The following THSD4 variants were observed in gnomAD, a reference collection of about 807,000 sequenced individuals.
THSD4 encodes thrombospondin type 1 domain containing 4.
In THSD4, 69 loss-of-function variants were observed where a neutral mutation model predicts 119.0. The ratio of observed to expected loss-of-function variants is 0.58; its 90% CI spans 0.48 to 0.71. THSD4 has a LOEUF of 0.71. THSD4 is among the 30% of genes least tolerant of loss of function. The probability of loss-of-function intolerance (pLI) is 0.00; values close to 1 mark genes in which losing one functional copy is unlikely to be tolerated. For synonymous variants in THSD4, 524 were observed against 540.4 expected, an observed-to-expected ratio of 0.97 and a Z score of 0.42; for missense variants, 1,393 against 1,391.1, an observed-to-expected ratio of 1.00 and a Z score of -0.02.
chr15:71,745,145 C>T lies in THSD4; in HGVS notation c.1946C>T (p.Thr649Ile). The change falls in exon 12 of 18, where the codon ACT becomes ATT. Residue 649 changes from threonine (T) to isoleucine (I), a missense_variant. Transcript: ENST00000261862. ...ATTTTCCGCTGTGTGCACAGAAGCA[C>T]TCATGAAGAGGCTCCTGAGAGTTAC... ...YPIFRCVHRS[T>I]HEEAPESYCD... The T allele has an allele frequency of 6.2e-7, 1 of 1,612,542 alleles. No homozygotes were observed. The highest frequency in any genetic ancestry group is 8.5e-7 in the Non-Finnish European group (1 of 1,179,990).
At chr15:71,109,425 C>T (rs531504212) in intron 1 of THSD4, among the ~76,000 whole-genome samples, 5 of 152,298 alleles carry the variant, frequency 3.3e-5, no homozygotes, top group Admixed American at 2.0e-4. Context: ...GGATCCAAAA[C>T]GAGCCACATA....
intron 7 of THSD4, among the ~76,000 whole-genome samples, chr15:71,496,932 A>G (rs952861181): frequency 6.6e-6 from 1 of 152,184 alleles, no homozygotes; most frequent in Non-Finnish European, 1.5e-5. Flanking sequence ...CATTTGCTGG[A>G]AGCTTTGGGC....
chr15:71,649,337 G>C (rs1298332706), intron 7 of THSD4, among the ~76,000 whole-genome samples: 1 of 152,104 alleles, frequency 6.6e-6, no homozygotes, highest in Non-Finnish European at 1.5e-5. Flanking sequence ...GCAGTGGTGT[G>C]ATCTCAACTC....
intron 6 of THSD4, among the ~76,000 whole-genome samples, chr15:71,374,277 A>G (rs1039742744): frequency 6.6e-6 from 1 of 152,192 alleles, no homozygotes; most frequent in Non-Finnish European, 1.5e-5. Flanking sequence ...CAAATGTACC[A>G]TGAAGTCGAT....
At chr15:71,263,840 C>A (rs2044432460) in intron 6 of THSD4, among the ~76,000 whole-genome samples, 2 of 152,244 alleles carry the variant, frequency 1.3e-5, no homozygotes, top group Non-Finnish European at 2.9e-5. Context: ...AATGGAATAT[C>A]TGTGGCTGGC....
intron 8 of THSD4, among the ~76,000 whole-genome samples, chr15:71,665,743 T>C (rs957798773): frequency 6.6e-6 from 1 of 152,218 alleles, no homozygotes; most frequent in Non-Finnish European, 1.5e-5. Context: ...GGACCACTTA[T>C]TGAATAGGGA....
chr15:71,405,072 AGAGAT>A (rs2140491095), intron 6 of THSD4, among the ~76,000 whole-genome samples: 1 of 152,194 alleles, frequency 6.6e-6, no homozygotes, highest in East Asian at 1.9e-4. Flanking sequence ...TATTTTTAGT[AGAGAT>A]GAGGTTTCAC....
At chr15:71,435,024 A>G (rs999168403) in intron 7 of THSD4, among the ~76,000 whole-genome samples, 1 of 152,228 alleles carries the variant, frequency 6.6e-6, no homozygotes, top group South Asian at 2.1e-4. Context: ...GAAAAAAGAA[A>G]CTTAAAGATG....
At chr15:71,764,989 G>A (rs750017589) in intron 15 of THSD4, 31 bp from the exon 16 acceptor site, 9 of 1,599,298 alleles carry the variant, frequency 5.6e-6, no homozygotes, top group Non-Finnish European at 7.7e-6. Context: ...TCCATCATGT[G>A]ACACTCATCT....
At chr15:71,230,089 C>G (rs770970384) in intron 4 of THSD4, among the ~76,000 whole-genome samples, 1 of 152,126 alleles carries the variant, frequency 6.6e-6, no homozygotes, top group African/African-American at 2.4e-5. Context: ...TTCAACCTGC[C>G]GGGGGTCAGC....
At chr15:71,459,562 C>T (rs970958856) in intron 7 of THSD4, among the ~76,000 whole-genome samples, 1 of 152,092 alleles carries the variant, frequency 6.6e-6, no homozygotes. Context: ...GTATCTCTTG[C>T]ATAAAGTAGA....
At chr15:71,528,882 C>T (rs1043725188) in intron 7 of THSD4, among the ~76,000 whole-genome samples, 2 of 152,232 alleles carry the variant, frequency 1.3e-5, no homozygotes, top group Non-Finnish European at 2.9e-5. Context: ...TACTAATACA[C>T]ATCACACTTT....
At chr15:71,229,930 CAT>C (rs2044047062) in intron 4 of THSD4, among the ~76,000 whole-genome samples, 1 of 152,152 alleles carries the variant, frequency 6.6e-6, no homozygotes, top group Non-Finnish European at 1.5e-5. Context: ...GTGGGAGAAA[CAT>C]CCAGCATATG....
chr15:71,728,494 G>C, intron 8 of THSD4, 55 bp from the exon 9 acceptor site: 1 of 1,593,088 alleles, frequency 6.3e-7, no homozygotes, highest in Non-Finnish European at 8.6e-7. Context: ...AGTCAGTTCT[G>C]TTTCTTGTGC....
chr15:71,466,866 G>T (rs1291283375), intron 7 of THSD4, among the ~76,000 whole-genome samples: 1 of 152,160 alleles, frequency 6.6e-6, no homozygotes, highest in Non-Finnish European at 1.5e-5. Context: ...ACTGGACTGG[G>T]CCTGAGCCCT....
chr15:71,673,274 A>G (rs373256061), intron 8 of THSD4, among the ~76,000 whole-genome samples: 2 of 152,156 alleles, frequency 1.3e-5, no homozygotes, highest in African/African-American at 4.8e-5. Context: ...GTTTATTTGC[A>G]TAGAGGTGTT....
chr15:71,663,244 A>G (rs2051347675), intron 8 of THSD4, among the ~76,000 whole-genome samples: 1 of 150,472 alleles, frequency 6.6e-6, no homozygotes, highest in African/African-American at 2.5e-5. Context: ...AAAGCAAGAC[A>G]CTATATCAAA....
chr15:71,462,023 A>C (rs1273208093), intron 7 of THSD4, among the ~76,000 whole-genome samples: 1 of 152,210 alleles, frequency 6.6e-6, no homozygotes, highest in African/African-American at 2.4e-5. Flanking sequence ...GAGCTGAAGA[A>C]ACAAGACCAG....
chr15:71,295,532 A>T (rs2044850995), intron 6 of THSD4, among the ~76,000 whole-genome samples: 1 of 152,176 alleles, frequency 6.6e-6, no homozygotes, highest in Admixed American at 6.5e-5. Flanking sequence ...CACAGATCAG[A>T]GGCAATCTGG....
Sources: gnomAD v4.1 joint callset for allele counts (sites outside exome capture counted in the v4.1 genomes callset) on GRCh38, gnomAD v4.1.1 for gene constraint, MANE v1.5 for transcripts, NCBI Gene and HGNC (gene_info 2026-07-23, HGNC 2026-07-21) for gene names.